The following MCU variants were observed in gnomAD, a reference collection of about 807,000 sequenced individuals.
MCU encodes calcium uniporter protein, mitochondrial.
Under a neutral mutation model 45.2 loss-of-function variants are expected in MCU, and 12 were observed. The ratio of observed to expected loss-of-function variants is 0.27; its 90% CI spans 0.17 to 0.43. The LOEUF is 0.43. Ranked by LOEUF, MCU falls within the 20% of genes least tolerant of loss-of-function variation. The pLI is 1.00. For synonymous variants in MCU, 160 were observed against 165.1 expected, an observed-to-expected ratio of 0.97 and a Z score of 0.24; for missense variants, 324 against 436.7, an observed-to-expected ratio of 0.74 and a Z score of 2.30.
intron 1 of MCU, among the ~76,000 whole-genome samples, chr10:72,705,025 A>G (rs923441613): frequency 9.2e-5 from 14 of 151,736 alleles, no homozygotes; most frequent in African/African-American, 2.9e-4. Flanking sequence ...AGCCACCTGC[A>G]TAATTTTAAA....
At chr10:72,757,321 T>C (rs1438913780) in intron 1 of MCU, among the ~76,000 whole-genome samples, 3 of 152,154 alleles carry the variant, frequency 2.0e-5, no homozygotes, top group African/African-American at 4.8e-5. Flanking sequence ...GTGACATTAT[T>C]GTATAAGGAG....
intron 1 of MCU, among the ~76,000 whole-genome samples, chr10:72,708,538 C>T (rs76360201): frequency 1.3e-5 from 2 of 152,248 alleles, no homozygotes; most frequent in African/African-American, 4.8e-5. Flanking sequence ...TAAATTCTTC[C>T]AGCTCTGTGA....
chr10:72,785,852 A>G (rs1283964546), intron 1 of MCU, among the ~76,000 whole-genome samples: 3 of 152,212 alleles, frequency 2.0e-5, no homozygotes, highest in Non-Finnish European at 2.9e-5. Context: ...GGAGATTTTT[A>G]TAGAAATCAA....
intron 1 of MCU, among the ~76,000 whole-genome samples, chr10:72,706,748 A>T (rs1842825875): frequency 6.8e-6 from 1 of 146,702 alleles, no homozygotes; most frequent in Non-Finnish European, 1.5e-5. Flanking sequence ...TGTTGGCCAG[A>T]ATGGTCTCGA....
At chr10:72,740,489 C>G (rs899128745) in intron 1 of MCU, among the ~76,000 whole-genome samples, 10 of 152,006 alleles carry the variant, frequency 6.6e-5, no homozygotes, top group Non-Finnish European at 1.2e-4. Context: ...AGTGAAATGA[C>G]TAGAATATAC....
chr10:72,706,607 G>A (rs919043818), intron 1 of MCU, among the ~76,000 whole-genome samples: 13 of 148,536 alleles, frequency 8.8e-5, no homozygotes, highest in Non-Finnish European at 1.6e-4. Context: ...GCGTGATCTC[G>A]GCTTACTGCA....
rs71021525 is a variant in MCU at position 72,700,058 on chromosome 10, A to ATTTTT, written c.150+7771_150+7775dup. The stretch of plus-strand genomic sequence containing the variant: ...GTTCTAAAAAGTGGATTGGGGTCAA[A>ATTTTT]TTTTTTTTTTTTTTTTTTGAGATGG... On this transcript the variant is annotated intron_variant, in intron 1 of 7. Coordinates refer to ENST00000373053, the MANE Select transcript of MCU (RefSeq NM_138357.3). Among the ~76,000 whole-genome samples the ATTTTT allele has an allele frequency of 2.0e-4, 27 of 135,384 alleles. 1 individual carries two copies. The highest frequency in any genetic ancestry group is 7.0e-4 in the South Asian group (3 of 4,306). The allele number at this position is 135,384 out of a possible 152,430, so 88.8% of individuals were successfully genotyped here.
At chr10:72,736,678 G>A (rs1389379843) in intron 1 of MCU, 3 of 152,174 alleles carry the variant, frequency 2.0e-5, no homozygotes, top group Non-Finnish European at 4.4e-5. Flanking sequence ...GTTTGCTTAG[G>A]ATTTTGATTA....
chr10:72,817,712 G>C (rs1395216201), intron 1 of MCU, among the ~76,000 whole-genome samples: 1 of 152,208 alleles, frequency 6.6e-6, no homozygotes, highest in Non-Finnish European at 1.5e-5. Flanking sequence ...AGCCTCCTGA[G>C]TAGGTGGGAC....
intron 2 of MCU, among the ~76,000 whole-genome samples, chr10:72,853,366 A>G (rs1298246457): frequency 1.3e-5 from 2 of 152,200 alleles, no homozygotes; most frequent in South Asian, 2.1e-4. Context: ...AAAACACCAT[A>G]TAGATGGAAT....
At chr10:72,730,882 G>A (rs1843163685) in intron 1 of MCU, 1 of 152,214 alleles carries the variant, frequency 6.6e-6, no homozygotes, top group Non-Finnish European at 1.5e-5. Context: ...TGCAGCAACA[G>A]TATGGTTTCT....
At chr10:72,754,849 C>A (rs1304770396) in intron 1 of MCU, among the ~76,000 whole-genome samples, 1 of 152,150 alleles carries the variant, frequency 6.6e-6, no homozygotes, top group Non-Finnish European at 1.5e-5. Context: ...AACAAAAAGC[C>A]CAACAAATGA....
chr10:72,818,779 T>C (rs2132812588), intron 1 of MCU, among the ~76,000 whole-genome samples: 1 of 150,712 alleles, frequency 6.6e-6, no homozygotes, highest in South Asian at 2.1e-4. Flanking sequence ...AGGCAGAGGT[T>C]GCAGTGAGCC....
At chr10:72,801,082 G>A (rs1342667521) in intron 1 of MCU, among the ~76,000 whole-genome samples, 3 of 152,142 alleles carry the variant, frequency 2.0e-5, no homozygotes, top group Non-Finnish European at 2.9e-5. Flanking sequence ...GATAGAGTGA[G>A]ACCCTGTCTC....
chr10:72,759,543 C>T (rs1843625443), intron 1 of MCU, among the ~76,000 whole-genome samples: 2 of 152,036 alleles, frequency 1.3e-5, no homozygotes, highest in Non-Finnish European at 2.9e-5. Context: ...GGTCTCCTCC[C>T]TTAATCTTAT....
At position 72,751,341 on chromosome 10, in the gene MCU, C is replaced by CTTCTTTTTTTTT. The variant is rs1474252109; in HGVS notation, c.150+59042_150+59043insCTTTTTTTTTTT. ...TTTTCTCTAACATCTTCTTCTTCTT[C>CTTCTTTTTTTTT]TTTTTTTTTTTTTTTTTTTTTTTTT... On this transcript the variant is annotated intron_variant, in intron 1 of 7. Coordinates refer to ENST00000373053, the MANE Select transcript of MCU (RefSeq NM_138357.3). Among the ~76,000 whole-genome samples, 11 of 44,748 alleles carry CTTCTTTTTTTTT rather than the reference C, an allele frequency of 2.5e-4. 1 individual carries two copies. Among genetic ancestry groups the CTTCTTTTTTTTT allele is most frequent in the African/African-American group, 7.5e-4 (9 of 11,936 alleles). The allele number at this position is 44,748 out of a possible 152,430, so 29.4% of individuals were successfully genotyped here.
intron 1 of MCU, among the ~76,000 whole-genome samples, chr10:72,800,958 G>A (rs1844329826): frequency 6.6e-6 from 1 of 152,074 alleles, no homozygotes; most frequent in Admixed American, 6.5e-5. Context: ...AAATTCGCTG[G>A]GCATGGTGGA....
intron 6 of MCU, among the ~76,000 whole-genome samples, chr10:72,873,645 C>T (rs952656106): frequency 2.0e-5 from 3 of 152,062 alleles, no homozygotes; most frequent in African/African-American, 7.2e-5. Context: ...CTTGTGTTGC[C>T]TGTGCTTTTT....
chr10:72,695,529 C>A (rs1842675272), intron 1 of MCU, among the ~76,000 whole-genome samples: 1 of 152,062 alleles, frequency 6.6e-6, no homozygotes. Context: ...GAATTTCAGC[C>A]TTTATCACCC....
Sources: allele counts gnomAD v4.1 joint callset (sites outside exome capture counted in the v4.1 genomes callset), GRCh38; gene constraint gnomAD v4.1.1; transcripts MANE v1.5; gene names NCBI Gene and HGNC (gene_info 2026-07-23, HGNC 2026-07-21).